Variants in PPFIA3 observed in about 807,000 individuals in gnomAD.
The protein encoded by PPFIA3 is liprin-alpha-3.
A neutral mutation model predicts 145.8 loss-of-function variants in PPFIA3; 26 were observed. That is an observed-to-expected ratio of 0.18 (90% CI 0.13 to 0.25). The LOEUF (loss-of-function observed/expected upper bound fraction) is 0.25. Among genes scored for constraint, PPFIA3 ranks in the 10% least tolerant of loss-of-function variants. The pLI is 1.00. For missense variants in PPFIA3, 1,008 were observed against 1,587.8 expected, an observed-to-expected ratio of 0.63 and a Z score of 6.21; for synonymous variants, 645 against 661.4, an observed-to-expected ratio of 0.98 and a Z score of 0.38.
chr19:49,138,181 A>G (rs758710509), intron 15 of PPFIA3, 24 bp from the exon 16 acceptor site: 5 of 1,544,676 alleles, frequency 3.2e-6, no homozygotes, highest in Admixed American at 1.8e-5. Context: ...CCCCTCACCC[A>G]GTTTCCCCTA....
At chr19:49,122,143 C>A (rs569543696) in intron 1 of PPFIA3, among the ~76,000 whole-genome samples, 9 of 146,508 alleles carry the variant, frequency 6.1e-5, no homozygotes, top group South Asian at 2.1e-4. Context: ...TGCAATGCTG[C>A]GATCTTGGCT....
At chr19:49,122,468 C>G (rs2040947521) in intron 1 of PPFIA3, among the ~76,000 whole-genome samples, 1 of 152,176 alleles carries the variant, frequency 6.6e-6, no homozygotes, top group Non-Finnish European at 1.5e-5. Flanking sequence ...GTTCTAACAA[C>G]AAGTCCTTCC....
Position 49,133,330 on chromosome 19 carries a change from A to G in PPFIA3, c.1120A>G (p.Ile374Val), listed in dbSNP as rs902096241. The change falls in exon 9 of 30, where the codon ATA becomes GTA. Residue 374 changes from isoleucine (I) to valine (V), a missense_variant. This residue lies in a region of PPFIA3 where 109 missense variants were observed against 198.1 expected (regional missense o/e 0.55). Transcript: ENST00000334186. The surrounding 1 kb of genome is among the most constrained non-coding windows in gnomAD (Gnocchi z 7.2). ...TLQKAETLPE[I>V]EAQLAQRVAA... ...GCAGAAAGCGGAGACCTTGCCCGAG[A>G]TAGAGGCGCAGCTGGCGCAGCGCGT... The G allele has an allele frequency of 4.4e-6, 7 of 1,609,184 alleles. No individual in the cohort carries two copies. The highest frequency in any genetic ancestry group is 2.2e-5 in the East Asian group (1 of 44,760).
chr19:49,122,413 CT>C (rs1293166432), intron 1 of PPFIA3, among the ~76,000 whole-genome samples: 2 of 152,136 alleles, frequency 1.3e-5, no homozygotes, highest in Non-Finnish European at 2.9e-5. Flanking sequence ...GATAAGACCC[CT>C]GAGCCAGATT....
intron 18 of PPFIA3, among the ~76,000 whole-genome samples, chr19:49,140,461 G>T (rs1159523170): frequency 6.6e-6 from 1 of 151,102 alleles, no homozygotes; most frequent in Non-Finnish European, 1.5e-5. Context: ...CGATTCTCCT[G>T]CCTCGGCCTC....
intron 17 of PPFIA3, 53 bp from the exon 18 acceptor site, chr19:49,139,908 G>A (rs1261516231): frequency 2.5e-6 from 4 of 1,613,278 alleles, no homozygotes; most frequent in Non-Finnish European, 3.4e-6. Flanking sequence ...GGACTTGGGA[G>A]GAGAGGGGGC....
intron 14 of PPFIA3, among the ~76,000 whole-genome samples, chr19:49,136,180 T>TG (rs1206486541): frequency 2.0e-5 from 3 of 150,826 alleles, no homozygotes; most frequent in Non-Finnish European, 4.4e-5. Flanking sequence ...CCAGAGTAGG[T>TG]GGGGTTAGGT....
At chr19:49,148,607 G>A in intron 24 of PPFIA3, 59 bp from the exon 25 acceptor site, 2 of 1,350,390 alleles carry the variant, frequency 1.5e-6, no homozygotes, top group Non-Finnish European at 2.1e-6. Context: ...GGACCCGTAG[G>A]AGCAGCAGTC....
In PPFIA3 at chr19:49,149,048, G is replaced by A; in HGVS notation, c.3165G>A (p.Leu1055=). 1.2e-6 allele frequency: 2 copies of A among 1,614,200 alleles called. No homozygotes were observed. Among genetic ancestry groups the A allele is most frequent in the Middle Eastern group, 1.6e-4 (1 of 6,062 alleles). ...RVMGWVSGLG[L]KEFATNLTES... ...TGGGTTGGGTGTCCGGGCTGGGCCT[G>A]AAGGAATTTGCCACGAACCTCACGG... The change falls in exon 26 of 30, where the codon CTG becomes CTA. Residue 1055 remains leucine, a synonymous_variant. Coordinates refer to ENST00000334186, the MANE Select transcript of PPFIA3 (RefSeq NM_003660.4). This position sits in a 1 kb window ranked among gnomAD's most constrained non-coding sequence, Gnocchi z 5.7.
At chr19:49,126,443 G>C (rs1600325035) in intron 1 of PPFIA3, among the ~76,000 whole-genome samples, 1 of 151,894 alleles carries the variant, frequency 6.6e-6, no homozygotes, top group East Asian at 1.9e-4. Flanking sequence ...GTAGAGACGG[G>C]GGTCACCATG....
At chr19:49,125,076 A>G (rs2122527235) in intron 1 of PPFIA3, among the ~76,000 whole-genome samples, 1 of 152,240 alleles carries the variant, frequency 6.6e-6, no homozygotes, top group South Asian at 2.1e-4. Flanking sequence ...CAAAAAAAAA[A>G]AATAGAGATC....
intron 1 of PPFIA3, among the ~76,000 whole-genome samples, chr19:49,126,075 C>T (rs1219009584): frequency 6.6e-6 from 1 of 151,978 alleles, no homozygotes; most frequent in Non-Finnish European, 1.5e-5. Context: ...CTCAGCCTCC[C>T]GAGTAGCTGG....
intron 1 of PPFIA3, among the ~76,000 whole-genome samples, chr19:49,127,643 C>G (rs1417243514): frequency 6.6e-6 from 1 of 151,772 alleles, no homozygotes; most frequent in Non-Finnish European, 1.5e-5. Flanking sequence ...CCTGGCAGCA[C>G]CTGGTGGCCA....
chr19:49,134,622 C>CA lies in PPFIA3; in HGVS notation c.1378-16dup. 1 of 1,612,770 alleles carries CA rather than the reference C, an allele frequency of 6.2e-7. No homozygotes were observed. Among genetic ancestry groups the CA allele is most frequent in the South Asian group, 1.1e-5 (1 of 91,004 alleles). On this transcript the variant is annotated splice_polypyrimidine_tract_variant and intron_variant, in intron 11 of 29. Transcript: ENST00000334186. ...CCCCTCAGGCCTCACTCCCTCACTT[C>CA]ACCTCTGTCTCCACAGAACTCCCTG...
chr19:49,132,170 C>T (rs2041081290), intron 7 of PPFIA3, among the ~76,000 whole-genome samples: 1 of 151,456 alleles, frequency 6.6e-6, no homozygotes, highest in Admixed American at 6.6e-5. Context: ...GGCACATCAC[C>T]TGAGGTCAGG....
Position 49,148,980 on chromosome 19 carries a change from C to A in PPFIA3, c.3110-13C>A. ...ACGGGAGGGGCACGGCTGAGGGTCCCTTCCGTCCCCAGACGTGATGGTGTG... is the reference window on the plus strand; with the variant it reads ...ACGGGAGGGGCACGGCTGAGGGTCCATTCCGTCCCCAGACGTGATGGTGTG... On this transcript the variant is annotated splice_polypyrimidine_tract_variant and intron_variant, in intron 25 of 29. Transcript: ENST00000334186. 1 of 1,612,256 alleles carries A rather than the reference C, an allele frequency of 6.2e-7. No homozygotes were observed. The highest frequency in any genetic ancestry group is 8.5e-7 in the Non-Finnish European group (1 of 1,178,976).
At chr19:49,150,200 T>C in intron 29 of PPFIA3, 36 bp from the exon 30 acceptor site, 1 of 1,465,146 alleles carries the variant, frequency 6.8e-7, no homozygotes, top group Non-Finnish European at 9.4e-7. Flanking sequence ...GCACGGTGGA[T>C]CTTCACTGCT....
intron 19 of PPFIA3, among the ~76,000 whole-genome samples, 173 bp from the exon 20 acceptor site, chr19:49,141,861 A>T (rs1418052065): frequency 1.4e-5 from 2 of 145,206 alleles, no homozygotes; most frequent in African/African-American, 5.2e-5. Flanking sequence ...GGGGGAGAGG[A>T]TTTACAGATT....
In PPFIA3 at chr19:49,141,434, G is replaced by T. The variant is rs1277162625; in HGVS notation, c.2383G>T (p.Asp795Tyr). ...CCTGCCTCCAGCTGGAACACCCTCAGATGAGACACTGGCCACTGACCCTCT... is the reference window on the plus strand; with the variant it reads ...CCTGCCTCCAGCTGGAACACCCTCATATGAGACACTGGCCACTGACCCTCT... Reference protein sequence around the residue: ...DSSSLAGTPSDETLATDPLGL... With the variant: ...DSSSLAGTPSYETLATDPLGL... The change falls in exon 19 of 30, where the codon GAT becomes TAT. Residue 795 changes from aspartate to tyrosine, a missense_variant. By Grantham distance (160) the Asp-to-Tyr change is radical (BLOSUM62 -3). Around this residue, in one of 11 missense-constraint regions of PPFIA3, gnomAD observed 202 missense variants for 241.8 expected, o/e 0.84. Coordinates refer to ENST00000334186, the MANE Select transcript of PPFIA3 (RefSeq NM_003660.4). 6.2e-7 allele frequency: 1 copy of T among 1,613,988 alleles called. No homozygotes were observed. Among genetic ancestry groups the T allele is most frequent in the Non-Finnish European group, 8.5e-7 (1 of 1,179,958 alleles).
Sources: gnomAD v4.1 joint callset for allele counts (sites outside exome capture counted in the v4.1 genomes callset) on GRCh38, gnomAD v4.1.1 for gene constraint, gnomAD v4.1.1 regional missense constraint, Gnocchi (gnomAD v3.1) non-coding constraint, MANE v1.5 for transcripts, NCBI Gene and HGNC (gene_info 2026-07-23, HGNC 2026-07-21) for gene names.